Variants in FHIP1A observed in about 807,000 individuals in gnomAD.
FHIP1A encodes the protein FHF complex subunit HOOK-interacting protein 1A.
A neutral mutation model predicts 88.6 loss-of-function variants in FHIP1A; 61 were observed. The observed-to-expected ratio is 0.69, with a 90% CI of 0.56 to 0.85. The LOEUF is 0.85. Among genes scored for constraint, FHIP1A ranks in the 40% least tolerant of loss-of-function variants. The pLI, the probability that FHIP1A is intolerant of heterozygous loss-of-function variation, is 0.00. For missense variants in FHIP1A, 1,154 were observed against 1,273.5 expected (o/e 0.91, Z 1.43); for synonymous variants, 478 against 496.0 (o/e 0.96, Z 0.48).
intron 3 of FHIP1A, among the ~76,000 whole-genome samples, chr4:151,531,254 A>G (rs1214639861): frequency 6.6e-6 from 1 of 151,812 alleles, no homozygotes; most frequent in Admixed American, 6.6e-5. Context: ...ACGTTCAGGC[A>G]TAATATCTGC....
intron 3 of FHIP1A, among the ~76,000 whole-genome samples, chr4:151,511,367 G>A (rs1731022159): frequency 6.6e-6 from 1 of 152,214 alleles, no homozygotes; most frequent in South Asian, 2.1e-4. Context: ...CGCAGAAGAC[G>A]GGCGATTTCT....
intron 5 of FHIP1A, among the ~76,000 whole-genome samples, chr4:151,582,144 G>A (rs1456509978): frequency 1.3e-5 from 2 of 152,150 alleles, no homozygotes; most frequent in Non-Finnish European, 1.5e-5. Flanking sequence ...ACAGCCACAG[G>A]TAGAATGTTA....
chr4:151,469,471 G>A (rs557318180), intron 2 of FHIP1A, among the ~76,000 whole-genome samples: 1 of 152,152 alleles, frequency 6.6e-6, no homozygotes, highest in Non-Finnish European at 1.5e-5. Flanking sequence ...ATTTTTACAG[G>A]TGATGACACT....
At chr4:151,648,528 C>T (rs1386398026) in intron 10 of FHIP1A, among the ~76,000 whole-genome samples, 1 of 151,994 alleles carries the variant, frequency 6.6e-6, no homozygotes, top group African/African-American at 2.4e-5. Context: ...AGACGTGAGG[C>T]TTGCAAAGAT....
chr4:151,528,280 G>A (rs1443754197), intron 3 of FHIP1A, among the ~76,000 whole-genome samples: 1 of 152,178 alleles, frequency 6.6e-6, no homozygotes, highest in Non-Finnish European at 1.5e-5. Context: ...TTATGCAGTA[G>A]TGCTCCTCTA....
chr4:151,520,705 A>G (rs573876801), intron 3 of FHIP1A, among the ~76,000 whole-genome samples: 21 of 152,306 alleles, frequency 1.4e-4, no homozygotes, highest in African/African-American at 4.8e-4. Flanking sequence ...TACTATTAAC[A>G]AGAAGGTAGA....
intron 3 of FHIP1A, among the ~76,000 whole-genome samples, chr4:151,539,665 G>T (rs1379888692): frequency 6.6e-6 from 1 of 151,420 alleles, no homozygotes; most frequent in Non-Finnish European, 1.5e-5. Context: ...AAAGTACATT[G>T]ACTCTCATGC....
At chr4:151,560,456 T>C (rs1285988207) in intron 3 of FHIP1A, among the ~76,000 whole-genome samples, 1 of 152,190 alleles carries the variant, frequency 6.6e-6, no homozygotes, top group African/African-American at 2.4e-5. Context: ...AATATAACTT[T>C]ATGAAGTGAG....
At chr4:151,469,793 T>G (rs995806918) in intron 2 of FHIP1A, among the ~76,000 whole-genome samples, 1 of 152,204 alleles carries the variant, frequency 6.6e-6, no homozygotes, top group African/African-American at 2.4e-5. Context: ...TCTTTTGCCT[T>G]CCACAGATAC....
At chr4:151,623,477 A>C (rs1178445890) in intron 7 of FHIP1A, among the ~76,000 whole-genome samples, 2 of 149,814 alleles carry the variant, frequency 1.3e-5, no homozygotes, top group Non-Finnish European at 3.0e-5. Context: ...CAGACAGGCA[A>C]ATTTTGTTCT....
chr4:151,644,083 A>G (rs969117503), intron 9 of FHIP1A, among the ~76,000 whole-genome samples: 1 of 152,272 alleles, frequency 6.6e-6, no homozygotes, highest in African/African-American at 2.4e-5. Flanking sequence ...TTGCTGTTCC[A>G]GCAGTATATA....
chr4:151,487,468 TA>T (rs1730130003), intron 3 of FHIP1A, among the ~76,000 whole-genome samples: 2 of 151,074 alleles, frequency 1.3e-5, no homozygotes, highest in Admixed American at 1.3e-4. Flanking sequence ...GTCCACTTTA[TA>T]AAGTAGCATC....
intron 2 of FHIP1A, among the ~76,000 whole-genome samples, chr4:151,473,775 C>T (rs75434595): frequency 2.0e-5 from 3 of 152,112 alleles, no homozygotes; most frequent in Admixed American, 1.3e-4. Context: ...TTTGCTTCCT[C>T]CCTGGTATGA....
chr4:151,445,464 T>TG (rs945957421), intron 1 of FHIP1A, among the ~76,000 whole-genome samples: 16 of 151,484 alleles, frequency 1.1e-4, no homozygotes, highest in Admixed American at 2.6e-4. Flanking sequence ...CAAGGTGGAG[T>TG]GGGGGGGTGG....
chr4:151,428,441 C>T (rs1195640938), intron 1 of FHIP1A, among the ~76,000 whole-genome samples: 1 of 152,004 alleles, frequency 6.6e-6, no homozygotes, highest in East Asian at 1.9e-4. Context: ...CATTTCTCTC[C>T]ATCTTTACTA....
At chr4:151,653,356 GTCTCTC>G (rs368574549) in intron 11 of FHIP1A, among the ~76,000 whole-genome samples, 2 of 148,770 alleles carry the variant, frequency 1.3e-5, no homozygotes, top group Admixed American at 6.7e-5. Context: ...CTGTGTGTGT[GTCTCTC>G]TCTCTCTCTC....
At chr4:151,610,159 A>G (rs1463041645) in intron 7 of FHIP1A, among the ~76,000 whole-genome samples, 1 of 152,214 alleles carries the variant, frequency 6.6e-6, no homozygotes, top group Non-Finnish European at 1.5e-5. Flanking sequence ...CATTTGTAAA[A>G]TAGGGGCAAT....
chr4:151,441,187 G>A (rs921945201), intron 1 of FHIP1A, among the ~76,000 whole-genome samples: 1 of 152,098 alleles, frequency 6.6e-6, no homozygotes, highest in Non-Finnish European at 1.5e-5. Context: ...GTAGGGATTC[G>A]TGAATGAATC....
chr4:151,474,985 T>C (rs1449501675), intron 2 of FHIP1A, among the ~76,000 whole-genome samples: 1 of 152,214 alleles, frequency 6.6e-6, no homozygotes, highest in African/African-American at 2.4e-5. Context: ...TAAGATTATA[T>C]GAGCATTTTC....
Sources: gnomAD v4.1 joint callset for allele counts (sites outside exome capture counted in the v4.1 genomes callset) on GRCh38, gnomAD v4.1.1 for gene constraint, MANE v1.5 for transcripts, NCBI Gene and HGNC (gene_info 2026-07-23, HGNC 2026-07-21) for gene names.